FAAH2: variants seen among roughly 807,000 people sequenced by gnomAD.
The protein encoded by FAAH2 is fatty acid amide hydrolase 2, also known as fatty-acid amide hydrolase 2.
In FAAH2, 60 loss-of-function variants were observed where a neutral mutation model predicts 36.9. That is an observed-to-expected ratio of 1.63 (90% CI 1.32 to 2.02). The LOEUF (loss-of-function observed/expected upper bound fraction) is 2.02. FAAH2 is among the 30% of genes most tolerant of loss of function. The probability of loss-of-function intolerance (pLI) is 0.00; values close to 1 mark genes in which losing one functional copy is unlikely to be tolerated. For synonymous variants in FAAH2, 214 were observed against 143.8 expected (o/e 1.49, Z -3.49); for missense variants, 689 against 397.5 (o/e 1.73, Z -6.23).
the FAAH2 span, among the ~76,000 whole-genome samples, chrX:57,274,007 C>T: frequency 9.0e-6 from 1 of 110,993 alleles, no homozygotes; most frequent in African/African-American, 3.3e-5. Flanking sequence ...AATAGATAGA[C>T]TGCTAGCCAG....
intron 5 of FAAH2, among the ~76,000 whole-genome samples, chrX:57,369,119 C>T (rs957874702): frequency 5.7e-5 from 6 of 106,074 alleles, no homozygotes; most frequent in Admixed American, 1.1e-4. Flanking sequence ...CTAGATCCAG[C>T]AGAAGAAAGA....
the FAAH2 span, among the ~76,000 whole-genome samples, chrX:57,238,017 G>T: frequency 9.0e-6 from 1 of 111,591 alleles, no homozygotes; most frequent in African/African-American, 3.3e-5. Context: ...GCAAGGTTTT[G>T]GAGAAAAAGG....
the FAAH2 span, among the ~76,000 whole-genome samples, chrX:57,198,195 G>C: frequency 9.0e-6 from 1 of 111,516 alleles, no homozygotes; most frequent in Non-Finnish European, 1.9e-5. Context: ...ATCATCATGT[G>C]GGGGCATGGT....
At chrX:57,476,219 A>T (rs916099000) in intron 10 of FAAH2, among the ~76,000 whole-genome samples, 5 of 111,250 alleles carry the variant, frequency 4.5e-5, no homozygotes, top group Non-Finnish European at 7.5e-5. Context: ...CCTGGCCAGA[A>T]CTTCCAATAC....
rs766763714 is a variant in FAAH2 at position 57,346,770 on chromosome X, G to T, written c.742+5380G>T. ...CCCTTAAGGACCCCTTTTAAGGTTG[G>T]TCTGGTGGTAACACACTTCATCTGG... On this transcript the variant is annotated intron_variant, in intron 5 of 10. Transcript: ENST00000374900. Among the ~76,000 whole-genome samples the T allele has an allele frequency of 3.6e-5, 4 of 111,600 alleles. No individual in the cohort carries two copies. The South Asian group carries it at 1.5e-3, about 42-fold the overall frequency.
chrX:57,333,438 C>A (rs1409922045), intron 4 of FAAH2, among the ~76,000 whole-genome samples: 1 of 111,531 alleles, frequency 9.0e-6, no homozygotes, highest in Non-Finnish European at 1.9e-5. Flanking sequence ...AGATTTGACT[C>A]CAATATGGAA....
At chrX:57,453,580 G>A (rs901307771) in intron 10 of FAAH2, among the ~76,000 whole-genome samples, 2 of 110,987 alleles carry the variant, frequency 1.8e-5, no homozygotes, top group Admixed American at 9.6e-5. Context: ...TCTGATGGCA[G>A]GAACAGCCTC....
chrX:57,486,550 T>G lies in FAAH2; in HGVS notation c.1424-2207T>G, dbSNP rs1455163728. Among the ~76,000 whole-genome samples the G allele has an allele frequency of 2.7e-5, 3 of 112,010 alleles. No individual in the cohort carries two copies. The East Asian group carries it at 8.5e-4, about 32-fold the overall frequency. ...TGAAGAGCCACTGCCAAAATCCATG[T>G]GCTCATCATTGTGAACCCCACCCTT... On this transcript the variant is annotated intron_variant, in intron 10 of 10. Transcript: ENST00000374900.
At chrX:57,349,465 A>G (rs2053938341) in intron 5 of FAAH2, among the ~76,000 whole-genome samples, 3 of 101,275 alleles carry the variant, frequency 3.0e-5, no homozygotes, top group African/African-American at 1.0e-4. Context: ...ATATATACAT[A>G]CATGCATATA....
chrX:57,158,407 C>T, the FAAH2 span, among the ~76,000 whole-genome samples: 10 of 111,807 alleles, frequency 8.9e-5, no homozygotes, highest in East Asian at 2.5e-3. Context: ...GTTCGAGATC[C>T]CTGAGGAATC....
At chrX:57,419,404 G>A (rs186417191) in intron 7 of FAAH2, among the ~76,000 whole-genome samples, 11 of 111,597 alleles carry the variant, frequency 9.9e-5, no homozygotes, top group Non-Finnish European at 2.1e-4. Context: ...TTTAATGATT[G>A]CCATTCTAAG....
Position 57,423,813 on chromosome X carries a change from C to A in FAAH2, c.997-8105C>A, listed in dbSNP as rs972381455. Among the ~76,000 whole-genome samples the A allele has an allele frequency of 3.2e-4, 35 of 110,999 alleles. 1 individual carries two copies. The highest frequency in any genetic ancestry group is 1.1e-3 in the African/African-American group (35 of 30,505). On this transcript the variant is annotated intron_variant, in intron 7 of 10. Transcript: ENST00000374900. ...TGGATACAGACAACAGGACCACGCC[C>A]CCAGGGAGCTCTATAGCCTAGCCCA...
At chrX:57,317,046 TAAAC>T (rs2052860108) in intron 3 of FAAH2, among the ~76,000 whole-genome samples, 2 of 111,383 alleles carry the variant, frequency 1.8e-5, no homozygotes, top group South Asian at 3.7e-4. Flanking sequence ...CAACAACTAA[TAAAC>T]AAATAACCCA....
rs1176194335 is a variant in FAAH2, at chrX:57,331,791, T to G, written c.606T>G (p.Ile202Met). The change falls in exon 4 of 11, where the codon ATT (isoleucine) becomes ATG (methionine). Residue 202 changes from isoleucine to methionine, a missense_variant. Ile to Met is a conservative substitution (Grantham distance 10, BLOSUM62 1). Transcript: ENST00000374900. ...ACAACCCATATGATTTACAGCATAT[T>G]GTAGGTGGAAGTTCTGGTGAGTTGG... is the stretch of plus-strand genomic sequence containing the variant. ...RSNNPYDLQH[I>M]VGGSSGGEGC... 2 of 1,209,232 alleles carry G rather than the reference T, an allele frequency of 1.7e-6. No homozygotes were observed. Among genetic ancestry groups the G allele is most frequent in the African/African-American group, 3.5e-5 (2 of 57,191 alleles).
chrX:57,181,123 A>G, the FAAH2 span, among the ~76,000 whole-genome samples: 1 of 111,796 alleles, frequency 8.9e-6, no homozygotes, highest in Admixed American at 9.5e-5. Context: ...TTGAAGGAAC[A>G]TACCTCAAAA....
intron 5 of FAAH2, among the ~76,000 whole-genome samples, chrX:57,371,338 A>T (rs746298047): frequency 4.5e-4 from 50 of 111,793 alleles, no homozygotes; most frequent in African/African-American, 1.6e-3. Context: ...TGTAAGTGAG[A>T]ACATGCGGTA....
chrX:57,457,430 G>C (rs922012715), intron 10 of FAAH2, among the ~76,000 whole-genome samples: 1 of 110,201 alleles, frequency 9.1e-6, no homozygotes, highest in African/African-American at 3.3e-5. Context: ...ATTCAATATA[G>C]TACTGGATGT....
intron 3 of FAAH2, among the ~76,000 whole-genome samples, chrX:57,320,069 A>C (rs1209569204): frequency 2.7e-5 from 3 of 112,266 alleles, no homozygotes; most frequent in Non-Finnish European, 5.6e-5. Context: ...AAACCCTAGA[A>C]GGAAACCTAG....
intron 5 of FAAH2, among the ~76,000 whole-genome samples, chrX:57,350,241 A>G (rs143316992): frequency 0.013 from 1,478 of 111,235 alleles, 12 homozygotes; most frequent in Non-Finnish European, 0.021. Context: ...TTGGCCCTAC[A>G]AGAAATGCTC....
Sources: allele counts gnomAD v4.1 joint callset (sites outside exome capture counted in the v4.1 genomes callset), GRCh38; gene constraint gnomAD v4.1.1; transcripts MANE v1.5; gene names NCBI Gene and HGNC (gene_info 2026-07-23, HGNC 2026-07-21).